Variants in STXBP5L observed in about 807,000 individuals in gnomAD.
The protein encoded by STXBP5L is syntaxin-binding protein 5-like.
In STXBP5L, 65 loss-of-function variants were observed where a neutral mutation model predicts 144.5. The ratio of observed to expected loss-of-function variants is 0.45; its 90% CI spans 0.37 to 0.55. The LOEUF is 0.55. STXBP5L is among the 20% of genes least tolerant of loss of function. STXBP5L has a pLI of 0.00. For missense variants in STXBP5L, 1,298 were observed against 1,405.5 expected, an observed-to-expected ratio of 0.92 and a Z score of 1.22; for synonymous variants, 505 against 469.6, an observed-to-expected ratio of 1.08 and a Z score of -0.97.
At chr3:120,997,184 T>C (rs1052062420) in intron 3 of STXBP5L, among the ~76,000 whole-genome samples, 5 of 152,314 alleles carry the variant, frequency 3.3e-5, no homozygotes, top group Non-Finnish European at 7.4e-5. Flanking sequence ...CTTTATCCCA[T>C]TCACCACTGA....
rs78536426 is a variant in STXBP5L, at chr3:121,086,872, G to A, written c.471-28053G>A. Among the ~76,000 whole-genome samples, 1,409 of 152,076 alleles carry A rather than the reference G, an allele frequency of 9.3e-3. 11 individuals carry two copies. Among genetic ancestry groups the A allele is most frequent in the Non-Finnish European group, 0.013 (900 of 67,900 alleles). ...AAGTACTTACACTCTATATAAGAGC[G>A]ATGTTTGCACTATGATAAAATCACC... On this transcript the variant is annotated intron_variant, in intron 5 of 26. Coordinates refer to ENST00000471454, the MANE Select transcript of STXBP5L (RefSeq NM_001308330.2).
intron 2 of STXBP5L, among the ~76,000 whole-genome samples, chr3:120,927,957 T>C (rs1709724915): frequency 6.6e-6 from 1 of 152,180 alleles, no homozygotes; most frequent in Non-Finnish European, 1.5e-5. Context: ...TGAAGAGCTA[T>C]AGATTTAAAG....
intron 2 of STXBP5L, among the ~76,000 whole-genome samples, chr3:120,941,256 A>G: frequency 6.6e-6 from 1 of 151,792 alleles, no homozygotes; most frequent in East Asian, 1.9e-4. Context: ...TTAATACGGT[A>G]GGGAAGAAAC....
In STXBP5L at chr3:121,201,344, G is replaced by GT. The variant is rs571137750; in HGVS notation, c.878-4573dup. 6.6e-5 allele frequency among the ~76,000 whole-genome samples: 10 copies of GT among 152,042 alleles called. 1 individual carries two copies. In the South Asian group the frequency reaches 1.9e-3, roughly 28 times the overall value. ...AGAGACTAGGATTGCAACCCCTACT[G>GT]TTTTTTGCTTTCCATTTGCTTGGTA... On this transcript the variant is annotated intron_variant, in intron 9 of 26. Transcript: ENST00000471454.
chr3:121,161,471 TTTA>T (rs2046320074), intron 9 of STXBP5L, among the ~76,000 whole-genome samples: 1 of 152,002 alleles, frequency 6.6e-6, no homozygotes, highest in African/African-American at 2.4e-5. Flanking sequence ...CGGGGTATCT[TTTA>T]TTTTCAGCAA....
At chr3:121,003,670 G>A (rs559016348) in intron 3 of STXBP5L, among the ~76,000 whole-genome samples, 4 of 152,166 alleles carry the variant, frequency 2.6e-5, no homozygotes, top group Admixed American at 2.6e-4. Flanking sequence ...TTCTTCTAGG[G>A]TTTTTATGGT....
intron 24 of STXBP5L, among the ~76,000 whole-genome samples, chr3:121,414,659 C>G (rs578141699): frequency 6.6e-6 from 1 of 152,174 alleles, no homozygotes; most frequent in African/African-American, 2.4e-5. Context: ...AAAAGCCTCA[C>G]GGCTAAGGAA....
rs941973587 is a variant in STXBP5L, at chr3:120,946,038, A to G, written c.190-8902A>G. Among the ~76,000 whole-genome samples, 28 of 151,866 alleles carry G rather than the reference A, an allele frequency of 1.8e-4. No individual in the cohort carries two copies. In the Admixed American group the frequency reaches 1.8e-3, roughly 10 times the overall value. ...CTAGAAGTCTTTAGAATCAAAAGCC[A>G]TATTTATTTTTTTCATTTTTTAGGC... On this transcript the variant is annotated intron_variant, in intron 2 of 26. Transcript: ENST00000471454.
intron 5 of STXBP5L, among the ~76,000 whole-genome samples, chr3:121,079,925 A>ACT (rs1178051013): frequency 1.3e-5 from 2 of 152,176 alleles, no homozygotes; most frequent in Non-Finnish European, 2.9e-5. Context: ...TGGAGTATTG[A>ACT]AGTGCCCCAC....
intron 2 of STXBP5L, among the ~76,000 whole-genome samples, chr3:120,944,400 G>T (rs992496181): frequency 6.6e-6 from 1 of 151,490 alleles, no homozygotes; most frequent in African/African-American, 2.4e-5. Flanking sequence ...GATAGACTAT[G>T]TTAAAAATAA....
intron 3 of STXBP5L, among the ~76,000 whole-genome samples, chr3:120,995,036 C>T (rs1406752660): frequency 6.6e-6 from 1 of 152,014 alleles, no homozygotes; most frequent in East Asian, 1.9e-4. Flanking sequence ...TATCCATTTC[C>T]TCAACCTACT....
intron 20 of STXBP5L, among the ~76,000 whole-genome samples, chr3:121,319,895 T>C (rs575289678): frequency 6.6e-5 from 10 of 152,196 alleles, no homozygotes; most frequent in African/African-American, 2.4e-4. Context: ...GGGGGGAGGA[T>C]CACTTGAGGC....
At chr3:121,151,998 A>G (rs749889129) in intron 7 of STXBP5L, among the ~76,000 whole-genome samples, 1 of 152,036 alleles carries the variant, frequency 6.6e-6, no homozygotes, top group African/African-American at 2.4e-5. Flanking sequence ...GAATAACTTT[A>G]TAATCTTCAG....
chr3:121,011,215 C>T (rs1204126664), intron 3 of STXBP5L, among the ~76,000 whole-genome samples: 1 of 150,876 alleles, frequency 6.6e-6, no homozygotes, highest in Non-Finnish European at 1.5e-5. Context: ...GTACTTCCTA[C>T]CATGTTAAAT....
At position 121,210,347 on chromosome 3, in the gene STXBP5L, T is replaced by A. The variant is rs571486041; in HGVS notation, c.956+4346T>A. Among the ~76,000 whole-genome samples the A allele has an allele frequency of 2.8e-3, 421 of 152,138 alleles. 5 individuals carry two copies. Among genetic ancestry groups the A allele is most frequent in the African/African-American group, 9.7e-3 (404 of 41,500 alleles). Reference sequence around the variant, plus strand: ...GGATATTAGCCCTTTGTCAGATGAGTAGATTGCAAAAATTTTCTCCCATTC... The same window carrying A: ...GGATATTAGCCCTTTGTCAGATGAGAAGATTGCAAAAATTTTCTCCCATTC... On this transcript the variant is annotated intron_variant, in intron 10 of 26. Coordinates refer to ENST00000471454, the MANE Select transcript of STXBP5L (RefSeq NM_001308330.2).
At chr3:121,102,562 T>C (rs977856045) in intron 5 of STXBP5L, among the ~76,000 whole-genome samples, 1 of 151,862 alleles carries the variant, frequency 6.6e-6, no homozygotes, top group Non-Finnish European at 1.5e-5. Context: ...CTCAAGAGGG[T>C]TTAAAGCTCT....
intron 3 of STXBP5L, among the ~76,000 whole-genome samples, chr3:121,019,765 C>A (rs1945411594): frequency 6.6e-6 from 1 of 152,168 alleles, no homozygotes; most frequent in Admixed American, 6.5e-5. Flanking sequence ...ACAAAAGAAT[C>A]TGAACAGCAG....
intron 23 of STXBP5L, among the ~76,000 whole-genome samples, chr3:121,409,562 C>T (rs1389311826): frequency 2.0e-5 from 3 of 151,804 alleles, no homozygotes; most frequent in Non-Finnish European, 2.9e-5. Flanking sequence ...AAAACAAAAT[C>T]GACCTCCATT....
intron 3 of STXBP5L, 62 bp downstream of exon 3, chr3:120,955,099 TCAGG>T: frequency 3.4e-6 from 4 of 1,178,396 alleles, no homozygotes; most frequent in Middle Eastern, 2.0e-4. Flanking sequence ...CTTTAAATAT[TCAGG>T]TAAGATAAAT....
Sources: allele counts gnomAD v4.1 joint callset (sites outside exome capture counted in the v4.1 genomes callset), GRCh38; gene constraint gnomAD v4.1.1; transcripts MANE v1.5; gene names NCBI Gene and HGNC (gene_info 2026-07-23, HGNC 2026-07-21).